Variants in RNF150 observed in about 807,000 individuals in gnomAD.
RNF150 encodes ring finger protein 150.
A neutral mutation model predicts 39.3 loss-of-function variants in RNF150; 24 were observed. The ratio of observed to expected loss-of-function variants is 0.61; its 90% CI spans 0.44 to 0.86. The LOEUF is 0.86. RNF150 is among the 40% of genes least tolerant of loss of function. The pLI is 0.00. For missense variants in RNF150, 502 were observed against 587.8 expected, an observed-to-expected ratio of 0.85 and a Z score of 1.51; for synonymous variants, 255 against 227.3, an observed-to-expected ratio of 1.12 and a Z score of -1.10.
chr4:141,127,100 C>A (rs2111099632), intron 1 of RNF150, among the ~76,000 whole-genome samples: 1 of 152,112 alleles, frequency 6.6e-6, no homozygotes, highest in East Asian at 1.9e-4. Context: ...GTATACAGAG[C>A]TGTAGCTCTA....
At chr4:140,983,091 C>T (rs1410895421) in intron 1 of RNF150, among the ~76,000 whole-genome samples, 1 of 152,158 alleles carries the variant, frequency 6.6e-6, no homozygotes, top group Non-Finnish European at 1.5e-5. Context: ...TGAATAGTCA[C>T]AGTTCCCTTT....
intron 5 of RNF150, among the ~76,000 whole-genome samples, chr4:140,915,855 A>C (rs2111287947): frequency 6.6e-6 from 1 of 152,314 alleles, no homozygotes; most frequent in Non-Finnish European, 1.5e-5. Context: ...AAACTTCCAG[A>C]GGAACCATCA....
At chr4:140,971,613 G>A (rs547910882) in intron 1 of RNF150, among the ~76,000 whole-genome samples, 27 of 152,222 alleles carry the variant, frequency 1.8e-4, no homozygotes, top group Non-Finnish European at 3.4e-4. Context: ...GTGTGACCAG[G>A]ACACATATGA....
chr4:140,976,817 T>G (rs1461394160), intron 1 of RNF150, among the ~76,000 whole-genome samples: 1 of 152,100 alleles, frequency 6.6e-6, no homozygotes, highest in Admixed American at 6.6e-5. Context: ...TGCTTCCACC[T>G]CTTCATGTGA....
At chr4:141,056,514 G>T (rs904330703) in intron 1 of RNF150, among the ~76,000 whole-genome samples, 6 of 152,206 alleles carry the variant, frequency 3.9e-5, no homozygotes, top group Admixed American at 2.6e-4. Flanking sequence ...AGCACTGACA[G>T]TCTTTGCTGG....
intron 1 of RNF150, among the ~76,000 whole-genome samples, chr4:141,173,457 A>G (rs1163275977): frequency 1.3e-5 from 2 of 152,248 alleles, no homozygotes; most frequent in Non-Finnish European, 2.9e-5. Context: ...GCTGAAAGGT[A>G]GAGATTTTTT....
In RNF150 at chr4:141,095,487, C is replaced by T. The variant is rs150689703; in HGVS notation, c.484+36838G>A. On this transcript the variant is annotated intron_variant, in intron 1 of 6. Coordinates refer to ENST00000515673, the MANE Select transcript of RNF150 (RefSeq NM_020724.2). ...AATTGATAAAATGGATAAATTGTGG[C>T]ATGTTCATGCAATGAATATCCTACA... Among the ~76,000 whole-genome samples the T allele has an allele frequency of 6.2e-4, 94 of 152,214 alleles. No individual in the cohort carries two copies. In the East Asian group the frequency reaches 0.016, roughly 26 times the overall value.
intron 2 of RNF150, among the ~76,000 whole-genome samples, chr4:140,949,674 A>C (rs1578995747): frequency 9.5e-6 from 1 of 104,754 alleles, no homozygotes; most frequent in African/African-American, 3.1e-5. Flanking sequence ...TGCATACACT[A>C]CCCCCCCCCA....
chr4:141,065,833 A>G (rs1176034344), intron 1 of RNF150, among the ~76,000 whole-genome samples: 1 of 151,692 alleles, frequency 6.6e-6, no homozygotes, highest in Non-Finnish European at 1.5e-5. Flanking sequence ...CTACCCACAC[A>G]CTCATGGAAG....
chr4:140,916,666 C>T (rs1239948954), intron 5 of RNF150, among the ~76,000 whole-genome samples: 1 of 152,138 alleles, frequency 6.6e-6, no homozygotes, highest in Admixed American at 6.6e-5. Context: ...GGCAGGCCAA[C>T]ATTCAAATTC....
chr4:141,073,479 T>A (rs931018404), intron 1 of RNF150, among the ~76,000 whole-genome samples: 2 of 152,104 alleles, frequency 1.3e-5, no homozygotes, highest in Non-Finnish European at 2.9e-5. Flanking sequence ...CCCGCTTCCA[T>A]TTCATGGGGG....
intron 1 of RNF150, among the ~76,000 whole-genome samples, chr4:141,142,876 T>C (rs1044905528): frequency 3.4e-5 from 5 of 146,348 alleles, no homozygotes; most frequent in East Asian, 2.0e-4. Flanking sequence ...TTTTTTCTCT[T>C]TTTTTTTTTT....
intron 1 of RNF150, among the ~76,000 whole-genome samples, chr4:141,032,142 T>C (rs1448720055): frequency 1.3e-5 from 2 of 152,040 alleles, no homozygotes; most frequent in East Asian, 3.9e-4. Context: ...TGTGACAACA[T>C]ACATGAACCT....
intron 1 of RNF150, among the ~76,000 whole-genome samples, chr4:141,158,800 G>A (rs1727464402): frequency 6.6e-6 from 1 of 150,752 alleles, no homozygotes; most frequent in African/African-American, 2.4e-5. Flanking sequence ...TATTTCCTGT[G>A]AGTATAATTT....
upstream of RNF150, among the ~76,000 whole-genome samples, chr4:141,135,852 T>A (rs559378734): frequency 6.6e-6 from 1 of 152,246 alleles, no homozygotes; most frequent in East Asian, 1.9e-4. Context: ...GTTGAGCAGG[T>A]GATCATGGTG....
chr4:141,035,109 T>C (rs1360228879), intron 1 of RNF150, among the ~76,000 whole-genome samples: 5 of 152,194 alleles, frequency 3.3e-5, no homozygotes, highest in African/African-American at 1.2e-4. Flanking sequence ...TCTCTACAAT[T>C]TAACTCAAAA....
At chr4:141,117,772 T>A (rs778860074) in intron 1 of RNF150, among the ~76,000 whole-genome samples, 1 of 152,232 alleles carries the variant, frequency 6.6e-6, no homozygotes, top group Non-Finnish European at 1.5e-5. Flanking sequence ...CCTAATGCAG[T>A]GCCTAGAGTC....
chr4:140,970,832 G>T (rs1413706384), intron 1 of RNF150, among the ~76,000 whole-genome samples: 1 of 152,072 alleles, frequency 6.6e-6, no homozygotes, highest in Non-Finnish European at 1.5e-5. Flanking sequence ...GTTCATCTGA[G>T]CTTCAACCTT....
chr4:140,874,797 C>T (rs1196592304), intron 6 of RNF150, among the ~76,000 whole-genome samples: 17 of 152,154 alleles, frequency 1.1e-4, no homozygotes, highest in Admixed American at 1.1e-3. Context: ...TTGAGCAATT[C>T]TCCTGCCTCA....
Sources: allele counts gnomAD v4.1 joint callset (sites outside exome capture counted in the v4.1 genomes callset), GRCh38; gene constraint gnomAD v4.1.1; transcripts MANE v1.5; gene names NCBI Gene and HGNC (gene_info 2026-07-23, HGNC 2026-07-21).